Variants in DPYSL4 observed in about 807,000 individuals in gnomAD.
The protein encoded by DPYSL4 is dihydropyrimidinase-related protein 4.
DPYSL4 carries 43 observed loss-of-function variants against 63.4 expected under a neutral mutation model. The observed-to-expected ratio is 0.68, with a 90% confidence interval of 0.53 to 0.88. The LOEUF (loss-of-function observed/expected upper bound fraction) is 0.88. Ranked by LOEUF, DPYSL4 falls within the 40% of genes least tolerant of loss-of-function variation. DPYSL4 has a pLI of 0.00. For synonymous variants in DPYSL4, 353 were observed against 331.7 expected (o/e 1.06, Z -0.70); for missense variants, 733 against 819.5 (o/e 0.89, Z 1.29).
rs2062086084 is a variant in DPYSL4 at position 132,205,539 on chromosome 10, AC to A, written c.*611del. On this transcript the variant is annotated 3_prime_UTR_variant, in exon 14 of 14. Coordinates refer to ENST00000338492, the MANE Select transcript of DPYSL4 (RefSeq NM_006426.3). ...CCCTTTTACGCACCCCAAGGCCCAC[AC>A]CTAAGCTTCCATGTAGCCCTCATCC... is the stretch of plus-strand genomic sequence containing the variant. 6.6e-6 allele frequency: 1 copy of A among 152,504 alleles called. No homozygotes were observed. The highest frequency in any genetic ancestry group is 2.1e-4 in the South Asian group (1 of 4,836). 9.4% of individuals were successfully genotyped at this position (152,504 alleles called of 1,614,324 possible).
intron 3 of DPYSL4, among the ~76,000 whole-genome samples, chr10:132,193,831 T>A (rs1182118325): frequency 6.6e-6 from 1 of 152,252 alleles, no homozygotes; most frequent in Non-Finnish European, 1.5e-5. Context: ...CTGAGGACCC[T>A]GAAACACCTC....
At chr10:132,203,637 G>A in intron 12 of DPYSL4, 125 bp from the exon 13 acceptor site, 2 of 913,648 alleles carry the variant, frequency 2.2e-6, no homozygotes, top group East Asian at 2.7e-5. Flanking sequence ...GCTGGCACTG[G>A]AGAGGCGCAG....
In DPYSL4 at chr10:132,195,118, C is replaced by G. The variant is rs879369285; in HGVS notation, c.478+109C>G. 6.1e-6 allele frequency: 8 copies of G among 1,315,914 alleles called. No individual in the cohort carries two copies. The Admixed American group carries it at 1.1e-4, about 18-fold the overall frequency. 81.5% of individuals were successfully genotyped at this position (1,315,914 alleles called of 1,614,324 possible). A position where few individuals can be genotyped will look rare whatever the true frequency, so the allele number is the denominator to read the frequency against. On this transcript the variant is annotated intron_variant, in intron 4 of 13. Coordinates refer to ENST00000338492, the MANE Select transcript of DPYSL4 (RefSeq NM_006426.3). ...GCTGCTCTGCCCTGGGGGCTGGTGT[C>G]CAGGTTTGAGTGGAAGTTGGAGAAA... is the stretch of plus-strand genomic sequence containing the variant.
At chr10:132,193,332 A>T (rs556697887) in intron 3 of DPYSL4, among the ~76,000 whole-genome samples, 1 of 152,398 alleles carries the variant, frequency 6.6e-6, no homozygotes, top group Admixed American at 6.5e-5. Flanking sequence ...ATCAAAAAAT[A>T]ACCCGAGTTG....
At chr10:132,191,351 A>G (rs1160078692) in intron 2 of DPYSL4, among the ~76,000 whole-genome samples, 1 of 144,810 alleles carries the variant, frequency 6.9e-6, no homozygotes, top group African/African-American at 2.6e-5. Context: ...GGCAGTTGAA[A>G]GTATGTTCCC....
intron 1 of DPYSL4, among the ~76,000 whole-genome samples, chr10:132,190,192 T>TG (rs2061855185): frequency 6.6e-6 from 1 of 152,266 alleles, no homozygotes; most frequent in Admixed American, 6.5e-5. Context: ...TTGCTGCCGT[T>TG]GGTCTCCCCT....
chr10:132,187,957 G>A (rs146311219), intron 1 of DPYSL4, among the ~76,000 whole-genome samples: 1,703 of 152,314 alleles, frequency 0.011, 40 homozygotes, highest in African/African-American at 0.039. Context: ...GCCTCGGCGG[G>A]AGGGCCGTGG....
chr10:132,196,370 T>A (rs1305577575), intron 4 of DPYSL4, among the ~76,000 whole-genome samples: 1 of 152,144 alleles, frequency 6.6e-6, no homozygotes, highest in Non-Finnish European at 1.5e-5. Flanking sequence ...ATCTGGGTGG[T>A]CCCACAAGCC....
intron 1 of DPYSL4, among the ~76,000 whole-genome samples, chr10:132,189,033 CCTT>C (rs2061839118): frequency 1.3e-5 from 2 of 152,196 alleles, no homozygotes; most frequent in African/African-American, 2.4e-5. Flanking sequence ...ATAATGAACT[CCTT>C]CTCATTCTGA....
At chr10:132,200,248 C>T (rs915894557) in intron 8 of DPYSL4, 108 bp from the exon 9 acceptor site, 2 of 1,409,512 alleles carry the variant, frequency 1.4e-6, no homozygotes, top group East Asian at 2.3e-5. Context: ...CAAGCTGTCC[C>T]AGGCAAGGAA....
At chr10:132,197,876 G>A (rs746221726) in intron 6 of DPYSL4, among the ~76,000 whole-genome samples, 2 of 152,216 alleles carry the variant, frequency 1.3e-5, no homozygotes, top group South Asian at 2.1e-4. Context: ...GCCAGGCCCC[G>A]GCTGCACCGT....
chr10:132,204,347 G>A (rs2062064788), intron 13 of DPYSL4, among the ~76,000 whole-genome samples: 1 of 152,176 alleles, frequency 6.6e-6, no homozygotes, highest in African/African-American at 2.4e-5. Context: ...GGGGCCTGGA[G>A]GGATACACGA....
chr10:132,198,814 CCCT>C, intron 7 of DPYSL4, 34 bp from the exon 8 acceptor site: 3 of 1,609,494 alleles, frequency 1.9e-6, no homozygotes, highest in Non-Finnish European at 2.5e-6. Context: ...AGCCCCAGGG[CCCT>C]CGTGTGGCCT....
At position 132,202,125 on chromosome 10, in the gene DPYSL4, A is replaced by T; in HGVS notation, c.1281+9A>T. The T allele has an allele frequency of 6.2e-7, 1 of 1,608,958 alleles. No homozygotes were observed. Among genetic ancestry groups the T allele is most frequent in the Non-Finnish European group, 8.5e-7 (1 of 1,177,364 alleles). ...CCAAGACCCACAATCTGGTAAGAGAAGGCGGCTGTAAGTCAGGGTTGGCCT... is the reference window on the plus strand; with the variant it reads ...CCAAGACCCACAATCTGGTAAGAGATGGCGGCTGTAAGTCAGGGTTGGCCT... On this transcript the variant is annotated intron_variant, in intron 11 of 13. Transcript: ENST00000338492.
intron 1 of DPYSL4, among the ~76,000 whole-genome samples, chr10:132,188,902 C>T (rs1479499831): frequency 6.6e-6 from 1 of 152,190 alleles, no homozygotes; most frequent in Non-Finnish European, 1.5e-5. Context: ...TGGGTCTGGC[C>T]TGTGGCATAG....
chr10:132,205,198 C>G lies in DPYSL4; in HGVS notation c.*268C>G. The G allele has an allele frequency of 6.4e-6, 2 of 310,532 alleles. No individual in the cohort carries two copies. Among genetic ancestry groups the G allele is most frequent in the Non-Finnish European group, 5.9e-6 (1 of 169,308 alleles). 19.2% of individuals were successfully genotyped at this position (310,532 alleles called of 1,614,324 possible). On this transcript the variant is annotated 3_prime_UTR_variant, in exon 14 of 14. Coordinates refer to ENST00000338492, the MANE Select transcript of DPYSL4 (RefSeq NM_006426.3). ...CAGGGACAATGCCGGCAGCCTGAGC[C>G]CAGGCACCCCAGTGCCCGCTGGGCC...
rs776728939 is a variant in DPYSL4 at position 132,204,905 on chromosome 10, G to A, written c.1694G>A (p.Arg565His). 6.8e-6 allele frequency: 11 copies of A among 1,611,684 alleles called. No homozygotes were observed. Among genetic ancestry groups the A allele is most frequent in the East Asian group, 2.2e-5 (1 of 44,768 alleles). ...AAGATCATGGCACCACCTGGCGGCC[G>A]CTCCAACATCACCTCTCTCTCCTAG... ...AQKIMAPPGG[R>H]SNITSLS is the part of the protein sequence containing the mutation. Residue 565 changes from arginine to histidine, a missense_variant, in exon 14 of 14, where the codon CGC becomes CAC. Transcript: ENST00000338492.
At chr10:132,187,408 G>T (rs1291016613) in intron 1 of DPYSL4, among the ~76,000 whole-genome samples, 1 of 151,406 alleles carries the variant, frequency 6.6e-6, no homozygotes, top group Non-Finnish European at 1.5e-5. Flanking sequence ...CGGCTTCCGG[G>T]AGCCTCGGCT....
intron 2 of DPYSL4, chr10:132,192,280 C>T (rs1273371574): frequency 4.1e-6 from 4 of 982,756 alleles, no homozygotes; most frequent in Non-Finnish European, 4.8e-6. Flanking sequence ...TTGTTCATCG[C>T]AGCACTTAGT....
Sources: gnomAD v4.1 joint callset for allele counts (sites outside exome capture counted in the v4.1 genomes callset) on GRCh38, gnomAD v4.1.1 for gene constraint, MANE v1.5 for transcripts, NCBI Gene and HGNC (gene_info 2026-07-23, HGNC 2026-07-21) for gene names.